Variants in CLCN3 observed in about 807,000 individuals in gnomAD.
CLCN3 encodes Cl-/H+ antiporter 3.
In CLCN3, 16 loss-of-function variants were observed where a neutral mutation model predicts 83.4. That is an observed-to-expected ratio of 0.19 (90% CI 0.13 to 0.29). The LOEUF is 0.29. Among genes scored for constraint, CLCN3 ranks in the 10% least tolerant of loss-of-function variants. The pLI, the probability that CLCN3 is intolerant of heterozygous loss-of-function variation, is 1.00. For missense variants in CLCN3, 544 were observed against 1,006.0 expected, an observed-to-expected ratio of 0.54 and a Z score of 6.21; for synonymous variants, 322 against 346.2, an observed-to-expected ratio of 0.93 and a Z score of 0.78.
chr4:169,666,255 A>G (rs928688251), intron 2 of CLCN3, among the ~76,000 whole-genome samples: 1 of 152,226 alleles, frequency 6.6e-6, no homozygotes, highest in African/African-American at 2.4e-5. Context: ...TTATTTAAGT[A>G]CATATCTATA....
At chr4:169,668,553 T>A (rs2150227058) in intron 2 of CLCN3, among the ~76,000 whole-genome samples, 1 of 152,224 alleles carries the variant, frequency 6.6e-6, no homozygotes, top group African/African-American at 2.4e-5. Context: ...TGACTCTAGG[T>A]CTTTCTGACC....
At chr4:169,712,832 A>T (rs1217658095) in intron 11 of CLCN3, among the ~76,000 whole-genome samples, 2 of 152,256 alleles carry the variant, frequency 1.3e-5, no homozygotes, top group African/African-American at 4.8e-5. Flanking sequence ...ACGATGATAT[A>T]ACTTTACCAA....
intron 2 of CLCN3, among the ~76,000 whole-genome samples, chr4:169,654,275 T>A (rs1730819251): frequency 6.6e-6 from 1 of 152,054 alleles, no homozygotes; most frequent in Non-Finnish European, 1.5e-5. Flanking sequence ...CTTGTTCTCC[T>A]TTCTCTCCCC....
chr4:169,702,821 G>A (rs1455790059), intron 9 of CLCN3: 9 of 287,016 alleles, frequency 3.1e-5, no homozygotes, highest in Admixed American at 7.4e-5. Flanking sequence ...GGTGGTGCAC[G>A]CCTGTAGTCC....
intron 1 of CLCN3, among the ~76,000 whole-genome samples, chr4:169,629,044 TATC>T (rs1221132809): frequency 6.6e-6 from 1 of 152,202 alleles, no homozygotes; most frequent in African/African-American, 2.4e-5. Flanking sequence ...TTAATCCCCA[TATC>T]ATATCATTTA....
rs766254279 is a variant in CLCN3, at chr4:169,635,951, A to T, written c.23A>T (p.His8Leu). ...TAAATGGAGTCTGAGCAGCTGTTCC[A>T]TAGAGGCTACTATAGAAACAGCTAC... MESEQLF[H>L]RGYYRNSYNS... The change falls in exon 2 of 13, where the codon CAT (histidine) becomes CTT (leucine). Residue 8 changes from histidine to leucine, a missense_variant. Physicochemically the swap from His to Leu is moderately conservative, Grantham distance 99. This residue lies in a region of CLCN3 where 77 missense variants were observed against 92.8 expected (regional missense o/e 0.83). Transcript: ENST00000513761. The T allele has an allele frequency of 6.2e-7, 1 of 1,607,256 alleles. No homozygotes were observed. Among genetic ancestry groups the T allele is most frequent in the Admixed American group, 1.7e-5 (1 of 59,102 alleles).
chr4:169,640,484 A>G (rs1730382433), intron 2 of CLCN3, among the ~76,000 whole-genome samples: 1 of 152,248 alleles, frequency 6.6e-6, no homozygotes, highest in Non-Finnish European at 1.5e-5. Flanking sequence ...ATTAAAAAAT[A>G]GAAGTTATTC....
chr4:169,697,616 A>G lies in CLCN3; in HGVS notation c.1445A>G (p.Lys482Arg), dbSNP rs1400661836. The change falls in exon 9 of 13, where the codon AAA becomes AGA. Residue 482 changes from lysine to arginine, a missense_variant. Lys to Arg is a conservative substitution (Grantham distance 26, BLOSUM62 2). Transcript: ENST00000513761. ...TACAGAAATGACATGAATGCCAGTA[A>G]AATTGTCGATGACATTCCTGATCGT... ...CDYRNDMNAS[K>R]IVDDIPDRPA... 1 of 1,614,184 alleles carries G rather than the reference A, an allele frequency of 6.2e-7. No homozygotes were observed. Among genetic ancestry groups the G allele is most frequent in the South Asian group, 1.1e-5 (1 of 91,088 alleles).
chr4:169,664,606 T>C (rs940297965), intron 2 of CLCN3, among the ~76,000 whole-genome samples: 1 of 152,168 alleles, frequency 6.6e-6, no homozygotes, highest in Admixed American at 6.5e-5. Flanking sequence ...TAAAGATTCT[T>C]TATTTGGTGT....
rs557608500 is a variant in CLCN3 at position 169,696,075 on chromosome 4, T to TTTTTG, written c.1017+403_1017+407dup. Among the ~76,000 whole-genome samples the TTTTTG allele has an allele frequency of 2.9e-3, 444 of 152,116 alleles. 2 individuals are homozygous for TTTTTG. Among genetic ancestry groups the TTTTTG allele is most frequent in the African/African-American group, 1.0e-2 (415 of 41,512 alleles). The stretch of plus-strand genomic sequence containing the variant: ...GGCCAGGCTGTTTTTTTGTGGGGTT[T>TTTTTG]TTTTGTTTTGTTTTGTTTTGTTTTT... On this transcript the variant is annotated intron_variant, in intron 8 of 12. Coordinates refer to ENST00000513761, the MANE Select transcript of CLCN3 (RefSeq NM_001829.4).
intron 2 of CLCN3, among the ~76,000 whole-genome samples, chr4:169,676,419 TCTTTA>T (rs758297344): frequency 7.9e-5 from 12 of 152,196 alleles, no homozygotes; most frequent in Non-Finnish European, 1.3e-4. Flanking sequence ...TGTTTGTATC[TCTTTA>T]CTTCCACTCT....
chr4:169,636,738 T>TTG (rs1773513723), intron 2 of CLCN3, among the ~76,000 whole-genome samples: 2 of 29,010 alleles, frequency 6.9e-5, no homozygotes, highest in East Asian at 2.2e-3. Context: ...TTATTTGGTT[T>TTG]TTTTTTTTTT....
In CLCN3 at chr4:169,689,045, G is replaced by T. The variant is rs765527443; in HGVS notation, c.421G>T (p.Ala141Ser). 6.2e-7 allele frequency: 1 copy of T among 1,608,384 alleles called. No individual in the cohort carries two copies. Residue 141 changes from alanine to serine, a missense_variant and splice_region_variant, in exon 5 of 13, where the codon GCA becomes TCA. Ala to Ser is a moderately conservative substitution (Grantham distance 99). Transcript: ENST00000513761. ...CCATCTCCAACATGTTTTTATAGGG[G>T]CACTGGCCGGATTAATAGACATTGC... ...VVTLTGLASG[A>S]LAGLIDIAAD...
chr4:169,633,087 A>G (rs981981277), intron 1 of CLCN3, among the ~76,000 whole-genome samples: 8 of 152,170 alleles, frequency 5.3e-5, no homozygotes, highest in Non-Finnish European at 8.8e-5. Context: ...ATCTCAGCTC[A>G]CTGCAACTGC....
chr4:169,678,196 T>C (rs1273865863), intron 2 of CLCN3, among the ~76,000 whole-genome samples: 1 of 152,224 alleles, frequency 6.6e-6, no homozygotes, highest in Non-Finnish European at 1.5e-5. Flanking sequence ...CTTTTACAAA[T>C]CATTTTCTAA....
chr4:169,688,965 C>A, intron 4 of CLCN3, 78 bp from the exon 5 acceptor site: 1 of 1,233,248 alleles, frequency 8.1e-7, no homozygotes, highest in Non-Finnish European at 1.2e-6. Flanking sequence ...CTGCTTTCTA[C>A]TTGCCTTTTA....
intron 12 of CLCN3, among the ~76,000 whole-genome samples, chr4:169,713,791 A>G (rs954340207): frequency 6.6e-6 from 1 of 152,242 alleles, no homozygotes; most frequent in Admixed American, 6.5e-5. Flanking sequence ...TTTGTAAATG[A>G]GCTAAAAATC....
chr4:169,688,876 C>T (rs773129506), intron 4 of CLCN3, among the ~76,000 whole-genome samples, 167 bp from the exon 5 acceptor site: 10 of 152,086 alleles, frequency 6.6e-5, no homozygotes, highest in Non-Finnish European at 1.0e-4. Context: ...TAAAAAATAA[C>T]TCTTTACAGT....
At chr4:169,712,972 G>T (rs1174527573) in intron 11 of CLCN3, 107 bp from the exon 12 acceptor site, 6 of 759,314 alleles carry the variant, frequency 7.9e-6, no homozygotes, top group Admixed American at 7.1e-5. Context: ...AAAATGAAGG[G>T]ATCAGAAGTC....
Sources: gnomAD v4.1 joint callset for allele counts (sites outside exome capture counted in the v4.1 genomes callset) on GRCh38, gnomAD v4.1.1 for gene constraint, gnomAD v4.1.1 regional missense constraint, MANE v1.5 for transcripts, NCBI Gene and HGNC (gene_info 2026-07-23, HGNC 2026-07-21) for gene names.